Variants in CELA3B observed in about 807,000 individuals in gnomAD.
The protein encoded by CELA3B is chymotrypsin-like elastase family member 3B.
Under a neutral mutation model 37.2 loss-of-function variants are expected in CELA3B, and 34 were observed. That is an observed-to-expected ratio of 0.91 (90% CI 0.70 to 1.22). The LOEUF is 1.22. CELA3B is among the 50% of genes most tolerant of loss of function. CELA3B has a pLI of 0.00. For synonymous variants in CELA3B, 127 were observed against 143.5 expected (o/e 0.89, Z 0.82); for missense variants, 340 against 363.1 (o/e 0.94, Z 0.52).
At chr1:21,988,564 C>T (rs1370928001) in intron 7 of CELA3B, among the ~76,000 whole-genome samples, 1 of 146,470 alleles carries the variant, frequency 6.8e-6, no homozygotes, top group Non-Finnish European at 1.5e-5. Context: ...GCCCTCCAGC[C>T]TGGGCGACAG....
chr1:21,989,080 A>G (rs569480343), intron 7 of CELA3B, among the ~76,000 whole-genome samples, 182 bp from the exon 8 acceptor site: 1 of 151,830 alleles, frequency 6.6e-6, no homozygotes, highest in African/African-American at 2.4e-5. Context: ...TTAATCAAGA[A>G]CCCCCCCATG....
intron 2 of CELA3B, among the ~76,000 whole-genome samples, chr1:21,978,994 A>G (rs758868397): frequency 1.3e-5 from 2 of 150,010 alleles, no homozygotes; most frequent in African/African-American, 2.4e-5. Flanking sequence ...TTGCAGTGAG[A>G]TGAGATCGCA....
rs536288611 is a variant in CELA3B, at chr1:21,995,320, G to C, written c.505-2831G>C. Among the ~76,000 whole-genome samples the C allele has an allele frequency of 2.0e-5, 3 of 150,702 alleles. 1 individual carries two copies. Among genetic ancestry groups the C allele is most frequent in the African/African-American group, 4.9e-5 (2 of 40,658 alleles). The stretch of plus-strand genomic sequence containing the variant: ...CGTCTGGCTAATTTTTGTATTTTTA[G>C]TAAAGACGGGGGTTTCACCATTTTG... On this transcript the variant is annotated intron_variant, in intron 4 of 4. Transcript: ENST00000400277.
At chr1:21,994,879 G>A (rs1367954163) in intron 4 of CELA3B, among the ~76,000 whole-genome samples, 8 of 149,938 alleles carry the variant, frequency 5.3e-5, no homozygotes, top group Admixed American at 2.0e-4. Flanking sequence ...GTGCGTGCCT[G>A]CAGTCCCAGC....
rs111569296 is a variant in CELA3B, at chr1:21,996,074, G to A, written c.505-2077G>A. ...ACACAAATACAAAAATTAGCCGGGC[G>A]TGGTGGCACATGCCTGTAGTTCCAG... On this transcript the variant is annotated intron_variant, in intron 4 of 4. Transcript: ENST00000400277. Among the ~76,000 whole-genome samples, 86 of 151,270 alleles carry A rather than the reference G, an allele frequency of 5.7e-4. 5 individuals carry two copies. The highest frequency in any genetic ancestry group is 2.0e-3 in the African/African-American group (83 of 40,874).
chr1:21,997,502 A>G (rs1232150682), intron 4 of CELA3B, among the ~76,000 whole-genome samples: 1 of 150,844 alleles, frequency 6.6e-6, no homozygotes, highest in Non-Finnish European at 1.5e-5. Context: ...AGCCTGGCCA[A>G]TGTGGTGAAA....
chr1:21,983,956 C>G (rs1458715348), intron 5 of CELA3B, 126 bp downstream of exon 5: 1 of 1,429,434 alleles, frequency 7.0e-7, no homozygotes, highest in African/African-American at 1.4e-5. Context: ...CCAGCTGCAG[C>G]CTTCTCCCAC....
In CELA3B at chr1:21,984,170, G is replaced by A. The variant is rs745807156; in HGVS notation, c.500-19G>A. On this transcript the variant is annotated intron_variant, in intron 5 of 7. Coordinates refer to ENST00000337107, the MANE Select transcript of CELA3B (RefSeq NM_007352.4). ...CCTGTGCCCCCAGACCCCTGACTCGGTGCTTTTTATCGCTGCAGCCAACGG... is the reference window on the plus strand; with the variant it reads ...CCTGTGCCCCCAGACCCCTGACTCGATGCTTTTTATCGCTGCAGCCAACGG... The A allele has an allele frequency of 6.2e-7, 1 of 1,610,028 alleles. No individual in the cohort carries two copies. Among genetic ancestry groups the A allele is most frequent in the Admixed American group, 1.7e-5 (1 of 59,686 alleles).
intron 4 of CELA3B, among the ~76,000 whole-genome samples, chr1:21,997,579 C>T (rs1259860441): frequency 5.3e-5 from 8 of 149,814 alleles, no homozygotes; most frequent in East Asian, 4.0e-4. Flanking sequence ...TCCCAGCTAC[C>T]TGGGAGGCTG....
At chr1:21,985,382 A>G (rs1644831463) in intron 6 of CELA3B, among the ~76,000 whole-genome samples, 1 of 151,270 alleles carries the variant, frequency 6.6e-6, no homozygotes, top group Non-Finnish European at 1.5e-5. Context: ...GGCTCAAGCA[A>G]TCCTCCCATG....
intron 4 of CELA3B, among the ~76,000 whole-genome samples, chr1:21,983,407 G>A (rs1644816601): frequency 6.6e-6 from 1 of 151,754 alleles, no homozygotes; most frequent in African/African-American, 2.4e-5. Flanking sequence ...TGGGCCAGGT[G>A]TAGTGGCTCA....
At chr1:21,978,682 A>G (rs190938264) in intron 2 of CELA3B, among the ~76,000 whole-genome samples, 3,168 of 152,260 alleles carry the variant, frequency 0.021, 43 homozygotes, top group Non-Finnish European at 0.031. Flanking sequence ...GGTGAAGGAA[A>G]TGCTAAACTC....
At chr1:21,978,037 C>T in intron 1 of CELA3B, 1 of 342,134 alleles carries the variant, frequency 2.9e-6, no homozygotes, top group South Asian at 2.4e-5. Flanking sequence ...CCAGGAAGTC[C>T]TTCTTTAAAG....
intron 7 of CELA3B, chr1:21,986,885 G>A (rs1644842087): frequency 1.6e-6 from 1 of 621,880 alleles, no homozygotes; most frequent in Non-Finnish European, 2.9e-6. Context: ...TCTGGGTGGT[G>A]CTTGGAACTA....
chr1:21,992,089 C>T (rs1644871261), downstream of CELA3B, among the ~76,000 whole-genome samples: 1 of 150,954 alleles, frequency 6.6e-6, no homozygotes, highest in South Asian at 2.1e-4. Context: ...CATTGCACTC[C>T]AGCCTGGGTG....
Position 21,980,946 on chromosome 1 carries a change from C to G in CELA3B, c.227+25C>G, listed in dbSNP as rs376314026. ...CGTGAGTTCTCTACCCTGTCCCTGCCTGTGGCCCCGGGCAGCTGGGGAGGG... is the reference window on the plus strand; with the variant it reads ...CGTGAGTTCTCTACCCTGTCCCTGCGTGTGGCCCCGGGCAGCTGGGGAGGG... On this transcript the variant is annotated intron_variant, in intron 3 of 7. Coordinates refer to ENST00000337107, the MANE Select transcript of CELA3B (RefSeq NM_007352.4). 107 of 1,614,020 alleles carry G rather than the reference C, an allele frequency of 6.6e-5. No individual in the cohort carries two copies. In the East Asian group the frequency reaches 1.0e-3, roughly 15 times the overall value.
chr1:21,981,605 G>A (rs1386831615), intron 4 of CELA3B, among the ~76,000 whole-genome samples: 2 of 152,052 alleles, frequency 1.3e-5, no homozygotes, highest in African/African-American at 4.8e-5. Flanking sequence ...GCCTGAGCAA[G>A]TCACTGGCCT....
At chr1:21,989,173 G>A (rs55665598) in intron 7 of CELA3B, 89 bp from the exon 8 acceptor site, 267,217 of 1,525,632 alleles carry the variant, frequency 0.18, 5 homozygotes, top group Admixed American at 0.31. Context: ...GGGTCACACA[G>A]CAGGGCTGGA....
chr1:21,981,835 C>T (rs1355519432), intron 4 of CELA3B, among the ~76,000 whole-genome samples: 1 of 152,008 alleles, frequency 6.6e-6, no homozygotes, highest in Non-Finnish European at 1.5e-5. Flanking sequence ...ACACCATTCT[C>T]CTGCCTCAGC....
Sources: gnomAD v4.1 joint callset for allele counts (sites outside exome capture counted in the v4.1 genomes callset) on GRCh38, gnomAD v4.1.1 for gene constraint, MANE v1.5 for transcripts, NCBI Gene and HGNC (gene_info 2026-07-23, HGNC 2026-07-21) for gene names.